Variants in SLC25A40 observed in about 807,000 individuals in gnomAD.
SLC25A40 encodes solute carrier family 25 member 40.
In SLC25A40, 41 loss-of-function variants were observed where a neutral mutation model predicts 46.5. The ratio of observed to expected loss-of-function variants is 0.88; its 90% CI spans 0.69 to 1.14. SLC25A40 has a LOEUF of 1.14. SLC25A40 is among the 50% of genes most tolerant of loss of function. The probability of loss-of-function intolerance (pLI) is 0.00; values close to 1 mark genes in which losing one functional copy is unlikely to be tolerated. For missense variants in SLC25A40, 386 were observed against 393.6 expected (o/e 0.98, Z 0.16); for synonymous variants, 126 against 127.5 (o/e 0.99, Z 0.08).
intron 2 of SLC25A40, chr7:87,860,010 A>G (rs1838673648): frequency 6.6e-6 from 1 of 152,246 alleles, no homozygotes; most frequent in Non-Finnish European, 1.5e-5. Flanking sequence ...AGCCTGGCCA[A>G]CATGGTGAAA....
chr7:87,846,657 A>C lies in SLC25A40; in HGVS notation c.631+292T>G, dbSNP rs145816382. On this transcript the variant is annotated intron_variant, in intron 8 of 11. Transcript: ENST00000341119. ...TTACTAATTGCTTAGAATAATATTA[A>C]ATGACTTATTTAGAATGTTAAAGGT... Among the ~76,000 whole-genome samples, 635 of 152,306 alleles carry C rather than the reference A, an allele frequency of 4.2e-3. 4 individuals are homozygous for C. The highest frequency in any genetic ancestry group is 6.1e-3 in the Non-Finnish European group (418 of 68,004).
At chr7:87,856,220 T>G in intron 4 of SLC25A40, 72 bp downstream of exon 4, 1 of 1,288,972 alleles carries the variant, frequency 7.8e-7, no homozygotes, top group Non-Finnish European at 1.1e-6. Context: ...AAATGAATGT[T>G]AGGCAAAAAA....
intron 4 of SLC25A40, among the ~76,000 whole-genome samples, chr7:87,854,927 C>T (rs1295210213): frequency 6.6e-6 from 1 of 151,790 alleles, no homozygotes; most frequent in East Asian, 1.9e-4. Context: ...CTTTGGGAGG[C>T]CAAGGCCAGG....
chr7:87,833,787 C>T lies in SLC25A40; in HGVS notation c.*2462G>A, dbSNP rs1262026123. 1.3e-5 allele frequency: 2 copies of T among 151,674 alleles called. No individual in the cohort carries two copies. Among genetic ancestry groups the T allele is most frequent in the African/African-American group, 4.8e-5 (2 of 41,338 alleles). The allele number at this position is 151,674 out of a possible 1,614,324, so 9.4% of individuals were successfully genotyped here. A position where few individuals can be genotyped will look rare whatever the true frequency, so the allele number is the denominator to read the frequency against. ...CATCACCCAGGTATTAAGCCTAGTA[C>T]CCATTAGTTATTTTTCCTGTTCCTC... is the stretch of plus-strand genomic sequence containing the variant. On this transcript the variant is annotated 3_prime_UTR_variant, in exon 12 of 12. Coordinates refer to ENST00000341119, the MANE Select transcript of SLC25A40 (RefSeq NM_018843.4).
At chr7:87,873,518 C>T (rs1206232562) in intron 1 of SLC25A40, among the ~76,000 whole-genome samples, 1 of 151,116 alleles carries the variant, frequency 6.6e-6, no homozygotes, top group South Asian at 2.1e-4. Context: ...CTGCAACCTC[C>T]GCCTTCTGGG....
intron 8 of SLC25A40, among the ~76,000 whole-genome samples, chr7:87,845,315 T>C (rs1838397876): frequency 6.6e-6 from 1 of 152,148 alleles, no homozygotes; most frequent in South Asian, 2.1e-4. Flanking sequence ...TTGGTACTGG[T>C]CTGTGTCCCA....
At chr7:87,867,836 C>T (rs1838828029) in intron 1 of SLC25A40, among the ~76,000 whole-genome samples, 1 of 152,224 alleles carries the variant, frequency 6.6e-6, no homozygotes, top group Non-Finnish European at 1.5e-5. Context: ...ATTGTCTCAG[C>T]TTTAGTAAGC....
At chr7:87,849,788 A>C in intron 6 of SLC25A40, 93 bp downstream of exon 6, 1 of 883,944 alleles carries the variant, frequency 1.1e-6, no homozygotes, top group Non-Finnish European at 1.7e-6. Context: ...AAGCATTCTA[A>C]TATTAAAAAT....
chr7:87,875,413 AAACCGT>A (rs1177288960), intron 1 of SLC25A40, among the ~76,000 whole-genome samples: 3 of 152,178 alleles, frequency 2.0e-5, no homozygotes, highest in Non-Finnish European at 4.4e-5. Context: ...CCTACCTGCA[AAACCGT>A]AACGCTGATA....
chr7:87,838,758 TACAGA>T (rs1238412612), intron 10 of SLC25A40, among the ~76,000 whole-genome samples: 2 of 151,606 alleles, frequency 1.3e-5, no homozygotes, highest in East Asian at 3.9e-4. Flanking sequence ...ATCTGGAATG[TACAGA>T]ACAATGTATA....
chr7:87,868,614 T>C (rs1265852077), intron 1 of SLC25A40, among the ~76,000 whole-genome samples: 2 of 152,164 alleles, frequency 1.3e-5, no homozygotes, highest in Non-Finnish European at 2.9e-5. Context: ...AAAACAGCTT[T>C]TCTGGTTCCT....
chr7:87,855,977 AC>A (rs1374100785), intron 4 of SLC25A40, among the ~76,000 whole-genome samples: 1 of 152,194 alleles, frequency 6.6e-6, no homozygotes, highest in African/African-American at 2.4e-5. Context: ...TAACATGGGC[AC>A]AACTTTTGGA....
intron 9 of SLC25A40, among the ~76,000 whole-genome samples, chr7:87,842,586 GT>G (rs1242908619): frequency 1.3e-5 from 2 of 151,924 alleles, no homozygotes; most frequent in Non-Finnish European, 1.5e-5. Context: ...ATCAAGGACT[GT>G]TTCTCCATCT....
rs527403988 is a variant in SLC25A40, at chr7:87,866,279, A to G, written c.-93-5639T>C. Among the ~76,000 whole-genome samples, 20 of 152,150 alleles carry G rather than the reference A, an allele frequency of 1.3e-4. No homozygotes were observed. In the South Asian group the frequency reaches 3.9e-3, roughly 30 times the overall value. ...CTAGGAAAGACTTTATCTGGCCTTC[A>G]CATTTCAAGGGTATATTTGCTGGAT... On this transcript the variant is annotated intron_variant, in intron 1 of 11. Transcript: ENST00000341119.
chr7:87,844,849 C>A (rs1178170696), intron 8 of SLC25A40, among the ~76,000 whole-genome samples: 2 of 151,958 alleles, frequency 1.3e-5, no homozygotes, highest in Non-Finnish European at 2.9e-5. Flanking sequence ...GAGATGAATA[C>A]AACCTTGATG....
At chr7:87,856,056 T>C (rs978588288) in intron 4 of SLC25A40, among the ~76,000 whole-genome samples, 9 of 152,140 alleles carry the variant, frequency 5.9e-5, no homozygotes, top group African/African-American at 1.7e-4. Flanking sequence ...GAGGCACAAA[T>C]ACAAATACAT....
At chr7:87,837,480 T>A (rs1460802423) in intron 10 of SLC25A40, among the ~76,000 whole-genome samples, 1 of 151,232 alleles carries the variant, frequency 6.6e-6, no homozygotes, top group Non-Finnish European at 1.5e-5. Flanking sequence ...TGCTGTCTCC[T>A]TCAAAGGGTT....
intron 10 of SLC25A40, among the ~76,000 whole-genome samples, chr7:87,837,925 T>C (rs1364865763): frequency 6.6e-6 from 1 of 151,444 alleles, no homozygotes; most frequent in African/African-American, 2.4e-5. Context: ...TTAAAGTATG[T>C]ACCACTAAAG....
At chr7:87,864,981 T>TG (rs1838767343) in intron 1 of SLC25A40, among the ~76,000 whole-genome samples, 2 of 134,530 alleles carry the variant, frequency 1.5e-5, no homozygotes, top group African/African-American at 2.6e-5. Flanking sequence ...TTTTCTTTTC[T>TG]TTTTTTTTTT....
Sources: allele counts gnomAD v4.1 joint callset (sites outside exome capture counted in the v4.1 genomes callset), GRCh38; gene constraint gnomAD v4.1.1; transcripts MANE v1.5; gene names NCBI Gene and HGNC (gene_info 2026-07-23, HGNC 2026-07-21).